The following DCHS2 variants were observed in gnomAD, a reference collection of about 807,000 sequenced individuals.
The protein encoded by DCHS2 is protocadherin-23.
In DCHS2, 142 loss-of-function variants were observed where a neutral mutation model predicts 182.4. The ratio of observed to expected loss-of-function variants is 0.78; its 90% CI spans 0.68 to 0.89. The LOEUF is 0.89. DCHS2 is among the 40% of genes least tolerant of loss of function. The pLI, the probability that DCHS2 is intolerant of heterozygous loss-of-function variation, is 0.00. For missense variants in DCHS2, 4,319 were observed against 4,198.6 expected, an observed-to-expected ratio of 1.03 and a Z score of -0.79; for synonymous variants, 1,740 against 1,663.3, an observed-to-expected ratio of 1.05 and a Z score of -1.12.
At position 154,231,771 on chromosome 4, in the gene DCHS2, A is replaced by C. The variant is rs1731215773; in HGVS notation, c.*2765T>G. 6.6e-6 allele frequency: 1 copy of C among 152,148 alleles called. No individual in the cohort carries two copies. Among genetic ancestry groups the C allele is most frequent in the Non-Finnish European group, 1.5e-5 (1 of 68,014 alleles). 9.4% of individuals were successfully genotyped at this position (152,148 alleles called of 1,614,324 possible). ...TGCTGAGAAACACAAATCCTGTCTC[A>C]ACTGGACGTCTATTATAGATTGAAT... On this transcript the variant is annotated 3_prime_UTR_variant, in exon 20 of 20. Transcript: ENST00000357232.
chr4:154,299,486 A>G (rs1419406221), intron 12 of DCHS2, among the ~76,000 whole-genome samples: 1 of 152,224 alleles, frequency 6.6e-6, no homozygotes, highest in Non-Finnish European at 1.5e-5. Context: ...CTTGCCAGCC[A>G]TATTCTTGGA....
At chr4:154,420,583 A>T (rs1369039512) in intron 1 of DCHS2, among the ~76,000 whole-genome samples, 1 of 152,162 alleles carries the variant, frequency 6.6e-6, no homozygotes, top group East Asian at 1.9e-4. Flanking sequence ...TGATGTCTAC[A>T]GGCAGGAGAA....
rs1470634038 is a variant in DCHS2 at position 154,491,283 on chromosome 4, G to A, written c.73C>T (p.Leu25Phe). The change falls in exon 1 of 20, where the codon CTC (leucine) becomes TTC (phenylalanine). Residue 25 changes from leucine (L) to phenylalanine (F), a missense_variant. Coordinates refer to ENST00000357232, the MANE Select transcript of DCHS2 (RefSeq NM_001358235.2). ...TGGGGTGTATCTCTCCTCCCGGGGAGCAGAAGGAGCTTCCCGACCGGAGCC... is the reference window on the plus strand; with the variant it reads ...TGGGGTGTATCTCTCCTCCCGGGGAACAGAAGGAGCTTCCCGACCGGAGCC... ...RRAPVGKLLL[L>F]PGRRDTPHGR... 5 of 1,549,718 alleles carry A rather than the reference G, an allele frequency of 3.2e-6. No homozygotes were observed. The East Asian group carries it at 9.8e-5, about 30-fold the overall frequency.
At chr4:154,426,673 C>G (rs559896414) in intron 1 of DCHS2, among the ~76,000 whole-genome samples, 1 of 152,050 alleles carries the variant, frequency 6.6e-6, no homozygotes, top group Non-Finnish European at 1.5e-5. Context: ...ATGGCTCATG[C>G]CTGTAATCCC....
At chr4:154,308,575 T>C (rs1216925993) in intron 10 of DCHS2, among the ~76,000 whole-genome samples, 1 of 152,214 alleles carries the variant, frequency 6.6e-6, no homozygotes, top group Non-Finnish European at 1.5e-5. Flanking sequence ...ATAGTTACCT[T>C]GGACCTCAGA....
At chr4:154,357,312 G>A in intron 3 of DCHS2, 1 of 1,610,548 alleles carries the variant, frequency 6.2e-7, no homozygotes, top group Non-Finnish European at 8.5e-7. Context: ...TTCTACCTCT[G>A]GACTATAGAG....
chr4:154,237,034 CT>C lies in DCHS2; in HGVS notation c.7617del (p.Ile2539MetfsTer4), dbSNP rs757855721. On this transcript the variant is annotated frameshift_variant, in exon 20 of 20. Transcript: ENST00000357232. LOFTEE classifies it low-confidence loss of function (END_TRUNC). ...LRALTLVEIGIEDMNNYAPEF... is the reference protein window; with the variant it reads ...LRALTLVEIGXEDMNNYAPEF... The stretch of plus-strand genomic sequence containing the variant: ...TCAGGGGCATAATTGTTCATATCTT[CT>C]ATTCCTATCTCCACTAAAGTAAGAG... The C allele has an allele frequency of 2.5e-6, 4 of 1,613,986 alleles. No individual in the cohort carries two copies. The South Asian group carries it at 4.4e-5, about 18-fold the overall frequency.
Position 154,259,656 on chromosome 4 carries a change from G to C in DCHS2, c.6678C>G (p.Cys2226Trp). Residue 2226 changes from cysteine (C) to tryptophan (W), a missense_variant, in exon 15 of 20, where the codon TGC becomes TGG. Coordinates refer to ENST00000357232, the MANE Select transcript of DCHS2 (RefSeq NM_001358235.2). ...LAESSGHRAY[C>W]KVAVLIQDEN... is the part of the protein sequence containing the mutation. ...CATCCTGTATCAAGACTGCTACTTTGCAATAGGCTCTATGCCCACTACTTT... is the reference window on the plus strand; with the variant it reads ...CATCCTGTATCAAGACTGCTACTTTCCAATAGGCTCTATGCCCACTACTTT... 1 of 1,613,898 alleles carries C rather than the reference G, an allele frequency of 6.2e-7. No individual in the cohort carries two copies. The highest frequency in any genetic ancestry group is 1.3e-5 in the African/African-American group (1 of 74,938).
chr4:154,372,254 G>A (rs865870835), intron 2 of DCHS2, among the ~76,000 whole-genome samples: 5 of 152,230 alleles, frequency 3.3e-5, no homozygotes, highest in African/African-American at 7.2e-5. Flanking sequence ...TGAAGGAAAC[G>A]AAAGACAGGA....
Position 154,268,292 on chromosome 4 carries a change from C to G in DCHS2, c.6577+1608G>C, listed in dbSNP as rs1343440549. On this transcript the variant is annotated intron_variant, in intron 14 of 19. Transcript: ENST00000357232. ...TTGGCATATCTAAATTGCCAGAATC[C>G]AGAATACTACACTCGTGCTTTGGGG... 4.6e-5 allele frequency among the ~76,000 whole-genome samples: 7 copies of G among 151,580 alleles called. No homozygotes were observed. In the East Asian group the frequency reaches 1.4e-3, roughly 29 times the overall value.
At chr4:154,305,814 C>T (rs928929329) in intron 10 of DCHS2, among the ~76,000 whole-genome samples, 4 of 152,154 alleles carry the variant, frequency 2.6e-5, no homozygotes, top group Non-Finnish European at 5.9e-5. Context: ...TTTGTGGTTT[C>T]ATTTCTCCCC....
chr4:154,406,940 A>G (rs1732425174), intron 1 of DCHS2, among the ~76,000 whole-genome samples: 1 of 152,234 alleles, frequency 6.6e-6, no homozygotes, highest in South Asian at 2.1e-4. Context: ...CACAAAAGAA[A>G]AAAGATGCCA....
chr4:154,427,814 G>T (rs1357302043), intron 1 of DCHS2, among the ~76,000 whole-genome samples: 2 of 152,230 alleles, frequency 1.3e-5, no homozygotes, highest in Non-Finnish European at 2.9e-5. Flanking sequence ...AGCCCATAAT[G>T]TTAACTACCT....
At chr4:154,396,561 C>T (rs1318719880) in intron 1 of DCHS2, among the ~76,000 whole-genome samples, 1 of 152,090 alleles carries the variant, frequency 6.6e-6, no homozygotes, top group Admixed American at 6.5e-5. Flanking sequence ...GTTTATTGAG[C>T]TCCCAATGCC....
intron 10 of DCHS2, 104 bp downstream of exon 10, chr4:154,315,644 C>A: frequency 6.7e-7 from 1 of 1,489,878 alleles, no homozygotes; most frequent in Non-Finnish European, 9.0e-7. Context: ...AGATAACTAG[C>A]AACTGTTCAT....
intron 1 of DCHS2, among the ~76,000 whole-genome samples, chr4:154,444,564 C>A (rs751657698): frequency 1.3e-5 from 2 of 152,316 alleles, no homozygotes; most frequent in Non-Finnish European, 2.9e-5. Flanking sequence ...GCCAGCACCA[C>A]CTTGCACCTG....
intron 16 of DCHS2, among the ~76,000 whole-genome samples, chr4:154,244,972 T>A (rs971480576): frequency 1.3e-5 from 2 of 152,154 alleles, no homozygotes; most frequent in Non-Finnish European, 2.9e-5. Flanking sequence ...CTATCAACTC[T>A]TCTACTGTAG....
intron 2 of DCHS2, among the ~76,000 whole-genome samples, chr4:154,367,290 G>T (rs189804835): frequency 1.3e-5 from 2 of 152,288 alleles, no homozygotes; most frequent in East Asian, 3.9e-4. Context: ...AGACCGAAGA[G>T]CAGCAGGGTG....
At chr4:154,384,641 G>T (rs1731321755) in intron 1 of DCHS2, among the ~76,000 whole-genome samples, 1 of 152,142 alleles carries the variant, frequency 6.6e-6, no homozygotes, top group Non-Finnish European at 1.5e-5. Flanking sequence ...TTATCTGGGT[G>T]GGTCCTATAT....
Sources: gnomAD v4.1 joint callset for allele counts (sites outside exome capture counted in the v4.1 genomes callset) on GRCh38, gnomAD v4.1.1 for gene constraint, MANE v1.5 for transcripts, NCBI Gene and HGNC (gene_info 2026-07-23, HGNC 2026-07-21) for gene names.